JMJD1C: variants seen among roughly 807,000 people sequenced by gnomAD.
JMJD1C encodes jumonji domain-containing protein 1C.
In JMJD1C, 31 loss-of-function variants were observed where a neutral mutation model predicts 245.3. The observed-to-expected ratio is 0.13, with a 90% CI of 0.09 to 0.17. The LOEUF (loss-of-function observed/expected upper bound fraction) is 0.17. JMJD1C is among the 10% of genes least tolerant of loss of function. The pLI is 1.00. For synonymous variants in JMJD1C, 1,057 were observed against 1,017.4 expected (o/e 1.04, Z -0.74); for missense variants, 2,691 against 3,000.2 (o/e 0.90, Z 2.41).
At chr10:63,412,905 A>G (rs906421594) in intron 1 of JMJD1C, among the ~76,000 whole-genome samples, 1 of 152,246 alleles carries the variant, frequency 6.6e-6, no homozygotes, top group African/African-American at 2.4e-5. Context: ...GTATCTGCAT[A>G]TAAATTGACT....
chr10:63,488,650 G>C (rs1189472279), intron 1 of JMJD1C, among the ~76,000 whole-genome samples: 1 of 152,056 alleles, frequency 6.6e-6, no homozygotes, highest in Non-Finnish European at 1.5e-5. Flanking sequence ...CAGCAATAAA[G>C]AGAAAATAAA....
chr10:63,293,277 C>T (rs930202957), intron 2 of JMJD1C, among the ~76,000 whole-genome samples: 1 of 152,106 alleles, frequency 6.6e-6, no homozygotes, highest in Admixed American at 6.6e-5. Flanking sequence ...ATTTTATATT[C>T]ATCCTTCTTG....
intron 1 of JMJD1C, among the ~76,000 whole-genome samples, chr10:63,429,542 A>C (rs1328954831): frequency 6.6e-6 from 1 of 152,222 alleles, no homozygotes; most frequent in African/African-American, 2.4e-5. Context: ...ACACAGATGC[A>C]TAAAACGAGT....
At chr10:63,471,962 C>T (rs1953504050) in intron 1 of JMJD1C, among the ~76,000 whole-genome samples, 1 of 152,076 alleles carries the variant, frequency 6.6e-6, no homozygotes, top group African/African-American at 2.4e-5. Flanking sequence ...CACTTGAACG[C>T]GGGAAGCAAG....
At chr10:63,474,047 A>G (rs1953578911) in intron 1 of JMJD1C, among the ~76,000 whole-genome samples, 1 of 152,074 alleles carries the variant, frequency 6.6e-6, no homozygotes, top group Non-Finnish European at 1.5e-5. Flanking sequence ...CTGTCTCAAA[A>G]AAAAGAAAAG....
At chr10:63,186,901 A>G (rs549316882) in intron 18 of JMJD1C, among the ~76,000 whole-genome samples, 2 of 152,326 alleles carry the variant, frequency 1.3e-5, no homozygotes, top group East Asian at 1.9e-4. Context: ...CTGAAAAATG[A>G]TATTTACTAG....
chr10:63,182,488 G>A (rs551441252), intron 22 of JMJD1C, among the ~76,000 whole-genome samples: 16 of 152,278 alleles, frequency 1.1e-4, no homozygotes, highest in South Asian at 8.3e-4. Flanking sequence ...GACAAAGATG[G>A]TAAAATATTT....
intron 3 of JMJD1C, among the ~76,000 whole-genome samples, chr10:63,231,561 C>T (rs751321429): frequency 2.6e-5 from 4 of 152,020 alleles, no homozygotes; most frequent in East Asian, 1.9e-4. Flanking sequence ...TGGGAGGCCA[C>T]GGCGGGCAGA....
At chr10:63,287,236 T>G (rs531916044) in intron 2 of JMJD1C, among the ~76,000 whole-genome samples, 4 of 152,254 alleles carry the variant, frequency 2.6e-5, no homozygotes, top group African/African-American at 9.6e-5. Context: ...TCAACAAATA[T>G]TCATTGGAAC....
intron 3 of JMJD1C, among the ~76,000 whole-genome samples, chr10:63,234,689 T>C (rs1850499757): frequency 6.8e-6 from 1 of 147,442 alleles, no homozygotes; most frequent in Admixed American, 6.6e-5. Context: ...TCCTAGCACT[T>C]TGGGAGGCCA....
At chr10:63,267,854 T>C (rs146778960) in intron 2 of JMJD1C, among the ~76,000 whole-genome samples, 46 of 152,254 alleles carry the variant, frequency 3.0e-4, no homozygotes, top group African/African-American at 7.9e-4. Context: ...TACCAAACTA[T>C]AGGAAGAATG....
At chr10:63,195,278 C>T (rs1353331318) in intron 13 of JMJD1C, among the ~76,000 whole-genome samples, 5 of 148,838 alleles carry the variant, frequency 3.4e-5, no homozygotes, top group Non-Finnish European at 7.4e-5. Flanking sequence ...ACTTGAACTC[C>T]AGGAGGTGCA....
chr10:63,249,977 C>T (rs1852831599), intron 3 of JMJD1C, among the ~76,000 whole-genome samples: 1 of 152,034 alleles, frequency 6.6e-6, no homozygotes, highest in African/African-American at 2.4e-5. Flanking sequence ...CACATGTACC[C>T]CCCAATACAT....
In JMJD1C at chr10:63,418,875, G is replaced by A. The variant is rs186765071; in HGVS notation, c.169-38393C>T. Among the ~76,000 whole-genome samples the A allele has an allele frequency of 3.9e-5, 6 of 152,080 alleles. No homozygotes were observed. The East Asian group carries it at 7.7e-4, about 20-fold the overall frequency. ...CAGGGGATCACGAGGTCAGGAGTTC[G>A]AGACCAGCCTGGCCAATATAGTGAA... On this transcript the variant is annotated intron_variant, in intron 1 of 25. Transcript: ENST00000399262.
At chr10:63,232,936 T>C (rs991218346) in intron 3 of JMJD1C, among the ~76,000 whole-genome samples, 3 of 152,180 alleles carry the variant, frequency 2.0e-5, no homozygotes, top group Non-Finnish European at 4.4e-5. Context: ...TTTTCCTCTG[T>C]TCAAATTTTT....
At position 63,229,033 on chromosome 10, in the gene JMJD1C, G is replaced by A. The variant is rs79235353; in HGVS notation, c.448-9050C>T. On this transcript the variant is annotated intron_variant, in intron 3 of 25. Coordinates refer to ENST00000399262, the MANE Select transcript of JMJD1C (RefSeq NM_032776.3). ...GGGCTCTCAAGTAAAGTAAAAATGA[G>A]AATATGCATTAAAAAGTAAGAGATA... 3.6e-3 allele frequency among the ~76,000 whole-genome samples: 541 copies of A among 152,138 alleles called. 7 individuals carry two copies. In the East Asian group the frequency reaches 0.052, roughly 15 times the overall value.
chr10:63,489,938 CT>C lies in JMJD1C; in HGVS notation n.113+31799del, dbSNP rs1954115029. Among the ~76,000 whole-genome samples, 9 of 152,350 alleles carry C rather than the reference CT, an allele frequency of 5.9e-5. No individual in the cohort carries two copies. In the South Asian group the frequency reaches 1.9e-3, roughly 32 times the overall value. ...TGCCTGTGAGGGCGCATTATCTAGC[CT>C]GAGCTCTGCCTCCTGTCAAATCAGC... On this transcript the variant is annotated intron_variant and non_coding_transcript_variant, in intron 1 of 3. Transcript: ENST00000633035.
chr10:63,208,844 T>C, intron 9 of JMJD1C, 43 bp from the exon 10 acceptor site: 3 of 1,466,430 alleles, frequency 2.0e-6, no homozygotes, highest in Non-Finnish European at 2.7e-6. Context: ...CACTTTTTCC[T>C]GCAAAATACA....
At chr10:63,305,326 C>T (rs1937892272) in intron 2 of JMJD1C, among the ~76,000 whole-genome samples, 1 of 149,554 alleles carries the variant, frequency 6.7e-6, no homozygotes. Context: ...CAAGATCATA[C>T]CACTGCACTC....
Sources: allele counts gnomAD v4.1 joint callset (sites outside exome capture counted in the v4.1 genomes callset), GRCh38; gene constraint gnomAD v4.1.1; transcripts MANE v1.5; gene names NCBI Gene and HGNC (gene_info 2026-07-23, HGNC 2026-07-21).